Variants in ROR2 observed in about 807,000 individuals in gnomAD.
ROR2 encodes the protein ROR family WNT receptor 2.
ROR2 carries 33 observed loss-of-function variants against 74.9 expected under a neutral mutation model. That is an observed-to-expected ratio of 0.44 (90% confidence interval 0.33 to 0.59). The LOEUF is 0.59. Among genes scored for constraint, ROR2 ranks in the 20% least tolerant of loss-of-function variants. The pLI, the probability that ROR2 is intolerant of heterozygous loss-of-function variation, is 0.02. For synonymous variants in ROR2, 586 were observed against 558.7 expected (o/e 1.05, Z -0.69); for missense variants, 1,216 against 1,313.8 (o/e 0.93, Z 1.15).
chr9:91,830,820 G>GTGTT lies in ROR2; in HGVS notation c.98-55003_98-55002insAACA, dbSNP rs1554680721. 3.4e-5 allele frequency among the ~76,000 whole-genome samples: 5 copies of GTGTT among 147,490 alleles called. No individual in the cohort carries two copies. In the South Asian group the frequency reaches 1.1e-3, roughly 32 times the overall value. On this transcript the variant is annotated intron_variant, in intron 1 of 8. Transcript: ENST00000375708. ...TAAATAACTGTGTCCGTGTGTGTGT[G>GTGTT]TGTGTGTGTGTGTGTGTGTGTGTGT...
intron 1 of ROR2, among the ~76,000 whole-genome samples, chr9:91,871,527 CA>C (rs1587806207): frequency 6.6e-6 from 1 of 152,094 alleles, no homozygotes; most frequent in African/African-American, 2.4e-5. Context: ...TTGTATTTTC[CA>C]AAGAAGGCTA....
At chr9:91,918,150 C>G (rs575659831) in intron 1 of ROR2, among the ~76,000 whole-genome samples, 2 of 152,162 alleles carry the variant, frequency 1.3e-5, no homozygotes, top group Admixed American at 1.3e-4. Context: ...CGCCTGTAGT[C>G]CCAGCTACTT....
At chr9:91,785,998 A>G (rs552684882) in intron 1 of ROR2, among the ~76,000 whole-genome samples, 4 of 152,272 alleles carry the variant, frequency 2.6e-5, no homozygotes, top group African/African-American at 7.2e-5. Context: ...ACACGACAGA[A>G]GTGTCTCCAA....
intron 1 of ROR2, among the ~76,000 whole-genome samples, chr9:91,791,748 G>A (rs1200090458): frequency 6.7e-6 from 1 of 149,608 alleles, no homozygotes; most frequent in African/African-American, 2.5e-5. Context: ...AACACGAACA[G>A]AACACTCGAC....
At chr9:91,773,294 T>G (rs1219601085) in intron 2 of ROR2, among the ~76,000 whole-genome samples, 2 of 152,220 alleles carry the variant, frequency 1.3e-5, no homozygotes, top group African/African-American at 2.4e-5. Context: ...TAATATGGCC[T>G]GTCTGCTTCT....
At chr9:91,838,270 G>A (rs752648455) in intron 1 of ROR2, among the ~76,000 whole-genome samples, 2 of 152,240 alleles carry the variant, frequency 1.3e-5, no homozygotes, top group South Asian at 2.1e-4. Flanking sequence ...GGCACCACCA[G>A]GCCATTTCTG....
At chr9:91,914,556 C>CT (rs1831075909) in intron 1 of ROR2, among the ~76,000 whole-genome samples, 1 of 152,188 alleles carries the variant, frequency 6.6e-6, no homozygotes, top group Admixed American at 6.5e-5. Context: ...TGCCGGTCAC[C>CT]TTGTGGGCAC....
intron 1 of ROR2, among the ~76,000 whole-genome samples, chr9:91,823,812 T>G (rs1828206065): frequency 6.6e-6 from 1 of 152,170 alleles, no homozygotes. Flanking sequence ...AGGATTACAT[T>G]TAGTTAGGCT....
chr9:91,724,229 G>T lies in ROR2; in HGVS notation c.2265C>A (p.Tyr755Ter), dbSNP rs121909082. 1 of 1,613,630 alleles carries T rather than the reference G, an allele frequency of 6.2e-7. No individual in the cohort carries two copies. The highest frequency in any genetic ancestry group is 8.5e-7 in the Non-Finnish European group (1 of 1,180,026). Residue 755 changes from tyrosine to a stop codon, truncating the protein, a stop_gained, in exon 9 of 9, where the codon TAC (tyrosine) becomes TAA (stop). Transcript: ENST00000375708. LOFTEE classifies it high-confidence loss of function. ...RLRAWGNLSN[Y>*]NSSAQTSGAS... ...CCCCCGAGGTCTGCGCCGAGCTGTT[G>T]TAGTTGGAAAGGTTGCCCCAGGCTC...
chr9:91,814,031 A>G (rs1827841506), intron 1 of ROR2, among the ~76,000 whole-genome samples: 1 of 152,218 alleles, frequency 6.6e-6, no homozygotes, highest in South Asian at 2.1e-4. Flanking sequence ...GTCAAGAAGA[A>G]AAATGTTCCA....
At chr9:91,821,947 G>A (rs1021246398) in intron 1 of ROR2, among the ~76,000 whole-genome samples, 1 of 151,840 alleles carries the variant, frequency 6.6e-6, no homozygotes, top group Non-Finnish European at 1.5e-5. Context: ...AGTGAAAGGT[G>A]GACACAAGCA....
chr9:91,825,960 G>A (rs1828275511), intron 1 of ROR2, among the ~76,000 whole-genome samples: 1 of 152,258 alleles, frequency 6.6e-6, no homozygotes, highest in Non-Finnish European at 1.5e-5. Flanking sequence ...TGATCCAGCA[G>A]GAGTGTGGGT....
chr9:91,765,560 T>C (rs577136670), intron 2 of ROR2, among the ~76,000 whole-genome samples: 1 of 152,254 alleles, frequency 6.6e-6, no homozygotes, highest in African/African-American at 2.4e-5. Flanking sequence ...AATGTAAATC[T>C]GGCTTCCAGA....
intron 1 of ROR2, among the ~76,000 whole-genome samples, chr9:91,883,001 G>A (rs895868677): frequency 3.9e-5 from 6 of 152,214 alleles, no homozygotes; most frequent in African/African-American, 1.4e-4. Flanking sequence ...TTTCTAATCT[G>A]AAACAAGAAC....
At chr9:91,838,434 C>T (rs534052218) in intron 1 of ROR2, among the ~76,000 whole-genome samples, 1 of 152,342 alleles carries the variant, frequency 6.6e-6, no homozygotes, top group African/African-American at 2.4e-5. Context: ...ATTCCTGACT[C>T]ACCAGTCATG....
chr9:91,927,474 C>T (rs538449296), intron 1 of ROR2, among the ~76,000 whole-genome samples: 31 of 152,264 alleles, frequency 2.0e-4, no homozygotes, highest in Admixed American at 1.3e-3. Context: ...GGGCCACCTC[C>T]ATGCCCCACC....
At position 91,757,458 on chromosome 9, in the gene ROR2, C is replaced by T. The variant is rs567141196; in HGVS notation, c.277G>A (p.Val93Met). ...GGGGCATCATTCTTTAGCCACCGCA[C>T]GTTAGGGGGTGGGTTTCCTGCCACC... ...CKVAGNPPPN[V>M]RWLKNDAPVV... The change falls in exon 3 of 9, where the codon GTG becomes ATG. Residue 93 changes from valine to methionine, a missense_variant. Transcript: ENST00000375708. The T allele has an allele frequency of 8.7e-6, 14 of 1,613,860 alleles. No individual in the cohort carries two copies. Among genetic ancestry groups the T allele is most frequent in the South Asian group, 2.2e-5 (2 of 91,038 alleles).
intron 1 of ROR2, among the ~76,000 whole-genome samples, chr9:91,918,249 C>CAGA (rs34777436): frequency 0.33 from 38,982 of 119,794 alleles, 5,345 homozygotes; most frequent in Admixed American, 0.4. Context: ...GCCTGGGCGA[C>CAGA]AGGAGACTCG....
intron 1 of ROR2, among the ~76,000 whole-genome samples, chr9:91,893,505 A>C (rs2119404481): frequency 1.3e-5 from 2 of 151,442 alleles, no homozygotes; most frequent in Middle Eastern, 3.4e-3. Flanking sequence ...ACACCCCTCC[A>C]CTGGGGGACA....
Sources: allele counts gnomAD v4.1 joint callset (sites outside exome capture counted in the v4.1 genomes callset), GRCh38; gene constraint gnomAD v4.1.1; transcripts MANE v1.5; gene names NCBI Gene and HGNC (gene_info 2026-07-23, HGNC 2026-07-21).